The following RAB38 variants were observed in gnomAD, a reference collection of about 807,000 sequenced individuals.
The protein encoded by RAB38 is ras-related protein Rab-38.
RAB38 carries 15 observed loss-of-function variants against 18.4 expected under a neutral mutation model. The observed-to-expected ratio is 0.82, with a 90% CI of 0.55 to 1.26. RAB38 has a LOEUF of 1.26. Ranked by LOEUF, RAB38 falls within the 50% of genes most tolerant of loss-of-function variation. The probability of loss-of-function intolerance (pLI) is 0.00; values close to 1 mark genes in which losing one functional copy is unlikely to be tolerated. For missense variants in RAB38, 294 were observed against 267.4 expected, an observed-to-expected ratio of 1.10 and a Z score of -0.69; for synonymous variants, 101 against 104.4, an observed-to-expected ratio of 0.97 and a Z score of 0.20.
At chr11:88,006,591 T>C in the RAB38 span, among the ~76,000 whole-genome samples, 1 of 141,362 alleles carries the variant, frequency 7.1e-6, no homozygotes, top group Non-Finnish European at 1.5e-5. Flanking sequence ...TATATATGTA[T>C]ATAATATATA....
intron 2 of RAB38, among the ~76,000 whole-genome samples, chr11:88,148,034 T>C (rs1268554779): frequency 1.3e-5 from 2 of 151,974 alleles, no homozygotes; most frequent in Admixed American, 6.5e-5. Flanking sequence ...CTAAAAACGT[T>C]CAAAGAGAGT....
the RAB38 span, among the ~76,000 whole-genome samples, chr11:87,805,362 C>T: frequency 6.6e-6 from 1 of 151,732 alleles, no homozygotes; most frequent in Non-Finnish European, 1.5e-5. Flanking sequence ...TTTTTATTCT[C>T]TTTATCATTT....
intron 1 of RAB38, among the ~76,000 whole-genome samples, chr11:88,153,409 C>T (rs1943086887): frequency 6.6e-6 from 1 of 152,330 alleles, no homozygotes; most frequent in African/African-American, 2.4e-5. Context: ...TCCCTCCTCA[C>T]TCCTTCAACC....
chr11:88,013,684 TA>T, the RAB38 span, among the ~76,000 whole-genome samples: 1 of 152,054 alleles, frequency 6.6e-6, no homozygotes, highest in Admixed American at 6.6e-5. Flanking sequence ...CCGAGATGGA[TA>T]AAAAGAAAGA....
chr11:88,033,992 G>T, the RAB38 span, among the ~76,000 whole-genome samples: 4 of 152,078 alleles, frequency 2.6e-5, no homozygotes, highest in Non-Finnish European at 5.9e-5. Context: ...CTCCCAAAGT[G>T]CTGGGATTAC....
chr11:87,941,727 T>G, the RAB38 span, among the ~76,000 whole-genome samples: 2 of 152,178 alleles, frequency 1.3e-5, no homozygotes, highest in African/African-American at 4.8e-5. Flanking sequence ...AAGTGTTCTC[T>G]TTTTAAAAAA....
the RAB38 span, among the ~76,000 whole-genome samples, chr11:88,039,377 C>T: frequency 6.6e-6 from 1 of 151,798 alleles, no homozygotes; most frequent in African/African-American, 2.4e-5. Flanking sequence ...GATAGAACAG[C>T]AAAGCACCAT....
chr11:87,847,797 A>C, the RAB38 span, among the ~76,000 whole-genome samples: 2 of 152,244 alleles, frequency 1.3e-5, no homozygotes, highest in Non-Finnish European at 2.9e-5. Flanking sequence ...AAAGGACAGA[A>C]AGACGGGACA....
the RAB38 span, among the ~76,000 whole-genome samples, chr11:87,966,547 G>C: frequency 2.0e-5 from 3 of 152,100 alleles, no homozygotes; most frequent in Admixed American, 2.0e-4. Context: ...ATGCAAGAGA[G>C]GAGACAGTTT....
At chr11:87,977,651 T>C in the RAB38 span, among the ~76,000 whole-genome samples, 9 of 118,356 alleles carry the variant, frequency 7.6e-5, no homozygotes, top group East Asian at 1.8e-3. Flanking sequence ...ATATAAATTA[T>C]ACAGTATATA....
chr11:87,850,993 C>T, the RAB38 span, among the ~76,000 whole-genome samples: 7 of 152,320 alleles, frequency 4.6e-5, no homozygotes, highest in African/African-American at 1.4e-4. Flanking sequence ...TGACAGCCTG[C>T]ATTTCATGGT....
At chr11:88,035,639 G>T in the RAB38 span, among the ~76,000 whole-genome samples, 1 of 152,208 alleles carries the variant, frequency 6.6e-6, no homozygotes, top group African/African-American at 2.4e-5. Flanking sequence ...ACCAGTCTAA[G>T]TGACATTAGA....
At chr11:88,096,107 A>G in the RAB38 span, among the ~76,000 whole-genome samples, 1 of 151,778 alleles carries the variant, frequency 6.6e-6, no homozygotes, top group East Asian at 2.0e-4. Flanking sequence ...TCTTCTCAGT[A>G]TCTTCTAATG....
the RAB38 span, among the ~76,000 whole-genome samples, chr11:87,948,151 G>C: frequency 2.0e-5 from 3 of 152,048 alleles, no homozygotes; most frequent in Admixed American, 6.6e-5. Flanking sequence ...TATTCTCTTT[G>C]AAGCAATTGT....
At chr11:88,121,480 G>T (rs776903857) in intron 2 of RAB38, among the ~76,000 whole-genome samples, 2 of 152,182 alleles carry the variant, frequency 1.3e-5, no homozygotes, top group Non-Finnish European at 2.9e-5. Flanking sequence ...TGCAGCCCAT[G>T]TTCAGACACT....
the RAB38 span, among the ~76,000 whole-genome samples, chr11:87,967,126 C>G: frequency 6.6e-6 from 1 of 152,200 alleles, no homozygotes; most frequent in East Asian, 1.9e-4. Flanking sequence ...ACTTTAATGT[C>G]ATTGGACTTC....
the RAB38 span, among the ~76,000 whole-genome samples, chr11:88,085,970 G>GT: frequency 6.6e-6 from 1 of 151,892 alleles, no homozygotes; most frequent in South Asian, 2.1e-4. Context: ...GTAGCATTAT[G>GT]ACCATCAGAG....
chr11:87,976,129 T>C, the RAB38 span, among the ~76,000 whole-genome samples: 2 of 148,528 alleles, frequency 1.3e-5, no homozygotes, highest in Non-Finnish European at 3.0e-5. Context: ...AATATATATA[T>C]GTGTGTGTGT....
chr11:87,948,287 A>G, the RAB38 span, among the ~76,000 whole-genome samples: 14 of 152,204 alleles, frequency 9.2e-5, no homozygotes, highest in East Asian at 2.5e-3. Context: ...AGCTTAAGGA[A>G]ATTTTGGGCT....
Sources: allele counts gnomAD v4.1 joint callset (sites outside exome capture counted in the v4.1 genomes callset), GRCh38; gene constraint gnomAD v4.1.1; transcripts MANE v1.5; gene names NCBI Gene and HGNC (gene_info 2026-07-23, HGNC 2026-07-21).